Variants in SMOC2 observed in about 807,000 individuals in gnomAD.
The protein encoded by SMOC2 is SPARC-related modular calcium-binding protein 2.
SMOC2 carries 39 observed loss-of-function variants against 61.4 expected under a neutral mutation model. The ratio of observed to expected loss-of-function variants is 0.64; its 90% confidence interval spans 0.49 to 0.83. The LOEUF (loss-of-function observed/expected upper bound fraction) is 0.83. Ranked by LOEUF, SMOC2 falls within the 40% of genes least tolerant of loss-of-function variation. The probability of loss-of-function intolerance (pLI) is 0.00; values close to 1 mark genes in which losing one functional copy is unlikely to be tolerated. For synonymous variants in SMOC2, 247 were observed against 239.9 expected (o/e 1.03, Z -0.27); for missense variants, 556 against 592.9 (o/e 0.94, Z 0.65).
chr6:168,580,974 T>G (rs1229334496), intron 7 of SMOC2, among the ~76,000 whole-genome samples: 1 of 152,236 alleles, frequency 6.6e-6, no homozygotes, highest in Non-Finnish European at 1.5e-5. Flanking sequence ...AAAGTGAGTT[T>G]GCAAGTATTC....
At chr6:168,560,580 A>G (rs1784392757) in intron 7 of SMOC2, among the ~76,000 whole-genome samples, 1 of 102,040 alleles carries the variant, frequency 9.8e-6, no homozygotes, top group African/African-American at 4.2e-5. Context: ...GCATTCTTGG[A>G]GGAGGTGTCA....
At chr6:168,569,377 G>A (rs907914365) in intron 7 of SMOC2, among the ~76,000 whole-genome samples, 1 of 151,824 alleles carries the variant, frequency 6.6e-6, no homozygotes, top group African/African-American at 2.4e-5. Context: ...AATTAATTGG[G>A]GTTTTTTTAA....
chr6:168,595,154 C>G (rs547245057), intron 7 of SMOC2, among the ~76,000 whole-genome samples: 14 of 127,016 alleles, frequency 1.1e-4, no homozygotes, highest in African/African-American at 4.3e-4. Flanking sequence ...GGGCATCTTT[C>G]TAGAGGATCG....
intron 10 of SMOC2, among the ~76,000 whole-genome samples, chr6:168,652,206 A>G (rs1202982659): frequency 6.6e-6 from 1 of 152,184 alleles, no homozygotes; most frequent in African/African-American, 2.4e-5. Context: ...ACTAAACTAA[A>G]TGCAAACTAA....
At position 168,552,396 on chromosome 6, in the gene SMOC2, A is replaced by T. The variant is rs186302192; in HGVS notation, c.637+3193A>T. Among the ~76,000 whole-genome samples, 25 of 152,196 alleles carry T rather than the reference A, an allele frequency of 1.6e-4. 1 individual carries two copies. The highest frequency in any genetic ancestry group is 3.4e-3 in the Middle Eastern group (1 of 294). On this transcript the variant is annotated intron_variant, in intron 7 of 12. Coordinates refer to ENST00000356284, the MANE Select transcript of SMOC2 (RefSeq NM_001166412.2). ...TTGATAATAATTTGGGTATTTAAAA[A>T]AATTTATCTAGCTTGTCAGTACCTT...
intron 2 of SMOC2, among the ~76,000 whole-genome samples, chr6:168,519,048 T>A (rs1276679128): frequency 6.6e-6 from 1 of 150,558 alleles, no homozygotes; most frequent in Non-Finnish European, 1.5e-5. Flanking sequence ...TGTGCATGTG[T>A]GAGCATGCAT....
At chr6:168,529,441 C>T (rs910561545) in intron 4 of SMOC2, among the ~76,000 whole-genome samples, 1 of 152,226 alleles carries the variant, frequency 6.6e-6, no homozygotes, top group Admixed American at 6.5e-5. Flanking sequence ...CCGCTGGCTG[C>T]ACCCTTGGTG....
At chr6:168,518,037 C>T (rs978725153) in intron 2 of SMOC2, among the ~76,000 whole-genome samples, 2 of 152,236 alleles carry the variant, frequency 1.3e-5, no homozygotes, top group Non-Finnish European at 1.5e-5. Flanking sequence ...TGAGTGTTTC[C>T]GTCGAGCTCG....
At chr6:168,554,552 C>T (rs184496999) in intron 7 of SMOC2, among the ~76,000 whole-genome samples, 1,770 of 152,324 alleles carry the variant, frequency 0.012, 17 homozygotes, top group Middle Eastern at 0.027. Context: ...CGGAGGCCCC[C>T]CGTCTCAGGC....
chr6:168,524,444 C>A (rs1249799608), intron 2 of SMOC2, among the ~76,000 whole-genome samples: 1 of 152,182 alleles, frequency 6.6e-6, no homozygotes, highest in Non-Finnish European at 1.5e-5. Context: ...AACTATCTGA[C>A]CAGTGGCAAA....
intron 7 of SMOC2, among the ~76,000 whole-genome samples, chr6:168,575,303 C>T (rs1179691240): frequency 2.6e-5 from 4 of 152,196 alleles, no homozygotes; most frequent in Non-Finnish European, 4.4e-5. Flanking sequence ...ATGTTTCCTG[C>T]AGAATATTTT....
intron 1 of SMOC2, among the ~76,000 whole-genome samples, chr6:168,470,500 C>T (rs1205046681): frequency 2.0e-5 from 3 of 152,054 alleles, no homozygotes; most frequent in East Asian, 1.9e-4. Context: ...CATGATGAAA[C>T]CCTGTCTCTA....
intron 1 of SMOC2, among the ~76,000 whole-genome samples, chr6:168,505,042 C>G (rs79304778): frequency 1.4e-5 from 2 of 147,998 alleles, no homozygotes; most frequent in African/African-American, 4.9e-5. Flanking sequence ...TCTCAGATAC[C>G]GGATGAATGA....
chr6:168,622,048 C>T (rs1583167351), intron 9 of SMOC2, among the ~76,000 whole-genome samples: 2 of 152,026 alleles, frequency 1.3e-5, no homozygotes. Context: ...TCACTGCAAG[C>T]TCCGCCTCCC....
At chr6:168,461,690 A>G (rs1055694021) in intron 1 of SMOC2, among the ~76,000 whole-genome samples, 7 of 152,216 alleles carry the variant, frequency 4.6e-5, no homozygotes, top group African/African-American at 1.7e-4. Context: ...GTCAAGCGTC[A>G]CTATTTGACA....
chr6:168,637,623 C>T (rs1427408046), intron 9 of SMOC2, among the ~76,000 whole-genome samples: 2 of 152,156 alleles, frequency 1.3e-5, no homozygotes, highest in Admixed American at 6.5e-5. Flanking sequence ...ATTTCTGTTG[C>T]CGGCCTCCAC....
At position 168,599,022 on chromosome 6, in the gene SMOC2, A is replaced by T; in HGVS notation, c.824+18A>T. ...TCCACAAGGTAAATAGGGTGCACCC[A>T]CCCCCCCCGGGACCATGGGAGGCTT... On this transcript the variant is annotated intron_variant, in intron 8 of 12. Coordinates refer to ENST00000356284, the MANE Select transcript of SMOC2 (RefSeq NM_001166412.2). 6.5e-7 allele frequency: 1 copy of T among 1,538,536 alleles called. No homozygotes were observed. The highest frequency in any genetic ancestry group is 8.8e-7 in the Non-Finnish European group (1 of 1,138,412).
At chr6:168,603,242 CTTTTTTTTTTTTTTT>C (rs35236951) in intron 8 of SMOC2, among the ~76,000 whole-genome samples, 1 of 96,364 alleles carries the variant, frequency 1.0e-5, no homozygotes, top group Non-Finnish European at 2.0e-5. Flanking sequence ...TCAATTAAAC[CTTTTTTTTTTTTTTT>C]TTTTTTTTTA....
intron 11 of SMOC2, chr6:168,655,541 C>G: frequency 2.5e-6 from 1 of 401,396 alleles, no homozygotes; most frequent in Non-Finnish European, 5.1e-6. Context: ...CTAGATACTC[C>G]TGCATGTGTG....
Sources: allele counts gnomAD v4.1 joint callset (sites outside exome capture counted in the v4.1 genomes callset), GRCh38; gene constraint gnomAD v4.1.1; transcripts MANE v1.5; gene names NCBI Gene and HGNC (gene_info 2026-07-23, HGNC 2026-07-21).